Variants in ADARB2 observed in about 807,000 individuals in gnomAD.
ADARB2 encodes inactive double-stranded RNA-specific editase B2.
ADARB2 carries 25 observed loss-of-function variants against 62.2 expected under a neutral mutation model. The observed-to-expected ratio is 0.40, with a 90% CI of 0.29 to 0.56. ADARB2 has a LOEUF of 0.56. Among genes scored for constraint, ADARB2 ranks in the 20% least tolerant of loss-of-function variants. The pLI, the probability that ADARB2 is intolerant of heterozygous loss-of-function variation, is 0.43. For synonymous variants in ADARB2, 572 were observed against 500.8 expected, an observed-to-expected ratio of 1.14 and a Z score of -1.90; for missense variants, 1,071 against 1,077.4, an observed-to-expected ratio of 0.99 and a Z score of 0.08.
intron 1 of ADARB2, among the ~76,000 whole-genome samples, chr10:1,600,523 G>A (rs1009219545): frequency 7.9e-5 from 12 of 152,084 alleles, no homozygotes; most frequent in African/African-American, 2.9e-4. Context: ...GTAGCTGGGC[G>A]TGGTGGTGCG....
chr10:1,381,893 T>C (rs1832486805), intron 1 of ADARB2, among the ~76,000 whole-genome samples: 1 of 152,074 alleles, frequency 6.6e-6, no homozygotes. Context: ...AAACTTCCAG[T>C]GATAGGATGA....
At chr10:1,467,324 T>C (rs1831266365) in intron 1 of ADARB2, among the ~76,000 whole-genome samples, 1 of 152,314 alleles carries the variant, frequency 6.6e-6, no homozygotes, top group East Asian at 1.9e-4. Flanking sequence ...CAAACATCTC[T>C]CTGGCAGAAC....
chr10:1,581,822 ATAGATGTGTGTG>A (rs1377699227), intron 1 of ADARB2, among the ~76,000 whole-genome samples: 1 of 116,630 alleles, frequency 8.6e-6, no homozygotes, highest in Non-Finnish European at 1.8e-5. Flanking sequence ...TGACTTAGAA[ATAGATGTGTGTG>A]TGTGTGTGTG....
intron 1 of ADARB2, among the ~76,000 whole-genome samples, chr10:1,710,729 T>C (rs1834940512): frequency 6.6e-6 from 1 of 152,220 alleles, no homozygotes; most frequent in African/African-American, 2.4e-5. Flanking sequence ...TCCCGCAGAC[T>C]CTCAGGCTCT....
intron 1 of ADARB2, among the ~76,000 whole-genome samples, chr10:1,487,529 G>A (rs1003695524): frequency 7.2e-5 from 11 of 152,158 alleles, no homozygotes; most frequent in Admixed American, 2.6e-4. Flanking sequence ...GGTTGTGGGC[G>A]AAGCTATAGC....
chr10:1,401,510 C>T (rs1564280142), intron 1 of ADARB2, among the ~76,000 whole-genome samples: 1 of 152,200 alleles, frequency 6.6e-6, no homozygotes, highest in Non-Finnish European at 1.5e-5. Flanking sequence ...TCCCAGCTCC[C>T]TTCCCACAAA....
intron 1 of ADARB2, among the ~76,000 whole-genome samples, chr10:1,403,680 A>G (rs1378677953): frequency 6.6e-6 from 1 of 152,130 alleles, no homozygotes; most frequent in African/African-American, 2.4e-5. Flanking sequence ...CAGACCCCCT[A>G]GCTGTCATTC....
intron 1 of ADARB2, among the ~76,000 whole-genome samples, chr10:1,417,540 T>A (rs1344972494): frequency 1.3e-5 from 2 of 152,178 alleles, no homozygotes; most frequent in African/African-American, 2.4e-5. Context: ...ACGAACACAG[T>A]GGAGTAAGTG....
intron 6 of ADARB2, among the ~76,000 whole-genome samples, chr10:1,218,911 G>C (rs564940438): frequency 3.6e-4 from 54 of 151,920 alleles, no homozygotes; most frequent in African/African-American, 1.2e-3. Context: ...TTAGCCGGGC[G>C]TGGTGGCGGG....
At chr10:1,371,759 A>G (rs1159602788) in intron 2 of ADARB2, among the ~76,000 whole-genome samples, 2 of 137,494 alleles carry the variant, frequency 1.5e-5, no homozygotes, top group Non-Finnish European at 3.1e-5. Context: ...ATCTTACCCC[A>G]GTCAGAATGG....
chr10:1,615,644 G>C (rs1794102761), intron 1 of ADARB2, among the ~76,000 whole-genome samples: 1 of 152,236 alleles, frequency 6.6e-6, no homozygotes, highest in South Asian at 2.1e-4. Flanking sequence ...TCCACCCCCA[G>C]GACTTGGGTA....
At chr10:1,587,016 G>A (rs1833189659) in intron 1 of ADARB2, among the ~76,000 whole-genome samples, 1 of 152,148 alleles carries the variant, frequency 6.6e-6, no homozygotes, top group Admixed American at 6.5e-5. Flanking sequence ...CTATAAACGT[G>A]CACTCAATTA....
intron 1 of ADARB2, among the ~76,000 whole-genome samples, chr10:1,605,055 A>G (rs1392339314): frequency 6.6e-6 from 1 of 152,274 alleles, no homozygotes; most frequent in East Asian, 1.9e-4. Flanking sequence ...ATAGAGTTAT[A>G]GTAATAAATA....
intron 3 of ADARB2, among the ~76,000 whole-genome samples, chr10:1,276,022 G>A (rs28864120): frequency 0.36 from 55,110 of 151,626 alleles, 10,208 homozygotes; most frequent in South Asian, 0.53. Flanking sequence ...GTATATACCT[G>A]GTAATGGGAT....
chr10:1,342,584 A>T (rs2131839694), intron 3 of ADARB2, among the ~76,000 whole-genome samples: 1 of 152,060 alleles, frequency 6.6e-6, no homozygotes, highest in South Asian at 2.1e-4. Context: ...GCTCTCAGAC[A>T]TGGGTGGGGT....
chr10:1,726,467 T>G (rs1835165349), intron 1 of ADARB2, among the ~76,000 whole-genome samples: 2 of 152,052 alleles, frequency 1.3e-5, no homozygotes, highest in East Asian at 3.9e-4. Context: ...CAGTATTGAG[T>G]GGACGTGGTG....
At chr10:1,408,384 A>T (rs1345873679) in intron 1 of ADARB2, among the ~76,000 whole-genome samples, 1 of 152,232 alleles carries the variant, frequency 6.6e-6, no homozygotes, top group African/African-American at 2.4e-5. Flanking sequence ...TATGCATATT[A>T]TTAAGGATGC....
intron 1 of ADARB2, among the ~76,000 whole-genome samples, chr10:1,568,993 C>T (rs868175947): frequency 4.0e-5 from 6 of 151,462 alleles, no homozygotes; most frequent in African/African-American, 1.5e-4. Context: ...GAAGGCGAGG[C>T]GAGATGGTGA....
intron 1 of ADARB2, among the ~76,000 whole-genome samples, chr10:1,615,744 C>G (rs1035968779): frequency 2.0e-5 from 3 of 152,194 alleles, no homozygotes; most frequent in African/African-American, 7.2e-5. Flanking sequence ...TGAGGCTGTT[C>G]CCAGGACACT....
Sources: allele counts gnomAD v4.1 joint callset (sites outside exome capture counted in the v4.1 genomes callset), GRCh38; gene constraint gnomAD v4.1.1; transcripts MANE v1.5; gene names NCBI Gene and HGNC (gene_info 2026-07-23, HGNC 2026-07-21).